Variants in THSD7B observed in about 807,000 individuals in gnomAD.
The protein encoded by THSD7B is thrombospondin type 1 domain containing 7B, also known as thrombospondin type-1 domain-containing protein 7B.
Under a neutral mutation model 213.6 loss-of-function variants are expected in THSD7B, and 138 were observed. That is an observed-to-expected ratio of 0.65 (90% CI 0.56 to 0.74). The LOEUF (loss-of-function observed/expected upper bound fraction) is 0.74, where lower values mean the gene tolerates loss of function less well. Ranked by LOEUF, THSD7B falls within the 30% of genes least tolerant of loss-of-function variation. The probability of loss-of-function intolerance (pLI) is 0.00; values close to 1 mark genes in which losing one functional copy is unlikely to be tolerated. For missense variants in THSD7B, 1,931 were observed against 1,991.5 expected (o/e 0.97, Z 0.58); for synonymous variants, 742 against 687.0 (o/e 1.08, Z -1.25).
At chr2:137,656,003 A>T (rs974367502) in intron 22 of THSD7B, among the ~76,000 whole-genome samples, 4 of 152,208 alleles carry the variant, frequency 2.6e-5, no homozygotes, top group African/African-American at 9.6e-5. Flanking sequence ...AGCACCTAGC[A>T]CATTGGACAG....
chr2:137,598,384 G>A (rs1221380248), intron 17 of THSD7B, among the ~76,000 whole-genome samples: 1 of 152,140 alleles, frequency 6.6e-6, no homozygotes, highest in Non-Finnish European at 1.5e-5. Flanking sequence ...AGGAAAGTAG[G>A]TTCTTTATCA....
At position 137,112,623 on chromosome 2, in the gene THSD7B, A is replaced by C. The variant is rs531099373; in HGVS notation, c.1200-2501A>C. The stretch of plus-strand genomic sequence containing the variant: ...AATGCCCCATTCCTTTCAAACAAGC[A>C]AAAAATAACTATAATCTAAACTTTA... On this transcript the variant is annotated intron_variant, in intron 4 of 27. Transcript: ENST00000409968. Among the ~76,000 whole-genome samples, 4 of 152,350 alleles carry C rather than the reference A, an allele frequency of 2.6e-5. No homozygotes were observed. The South Asian group carries it at 8.3e-4, about 32-fold the overall frequency.
intron 5 of THSD7B, among the ~76,000 whole-genome samples, chr2:137,136,864 C>G (rs1679475027): frequency 6.6e-6 from 1 of 152,032 alleles, no homozygotes; most frequent in African/African-American, 2.4e-5. Context: ...TTTAGCAAAT[C>G]AAAAGATGAA....
At chr2:137,558,875 A>G (rs1261021242) in intron 15 of THSD7B, among the ~76,000 whole-genome samples, 1 of 152,246 alleles carries the variant, frequency 6.6e-6, no homozygotes, top group African/African-American at 2.4e-5. Flanking sequence ...GTCTCAGGAT[A>G]CAAAATCAGT....
At chr2:137,122,174 G>A (rs1688556913) in intron 5 of THSD7B, among the ~76,000 whole-genome samples, 1 of 152,068 alleles carries the variant, frequency 6.6e-6, no homozygotes, top group South Asian at 2.1e-4. Context: ...TCCCTCTGTT[G>A]TTTTAAAGAG....
chr2:137,304,716 C>T (rs1683703554), intron 12 of THSD7B, among the ~76,000 whole-genome samples: 1 of 152,036 alleles, frequency 6.6e-6, no homozygotes, highest in Non-Finnish European at 1.5e-5. Flanking sequence ...TAGCTTGTTT[C>T]ATCTAGGAGC....
chr2:137,507,669 A>G (rs2105146585), intron 15 of THSD7B, among the ~76,000 whole-genome samples: 1 of 151,970 alleles, frequency 6.6e-6, no homozygotes. Context: ...GTTTAAATCC[A>G]TTTTTTTCTG....
chr2:137,573,288 G>T (rs1266474340), intron 17 of THSD7B, among the ~76,000 whole-genome samples: 2 of 152,170 alleles, frequency 1.3e-5, no homozygotes, highest in Non-Finnish European at 2.9e-5. Context: ...TCAAACATTA[G>T]AAAGGAAAAT....
chr2:137,058,550 G>GT (rs909053797), intron 3 of THSD7B, among the ~76,000 whole-genome samples: 17 of 152,022 alleles, frequency 1.1e-4, no homozygotes, highest in Admixed American at 9.2e-4. Context: ...CCAACATATA[G>GT]TTTTTTCCTA....
chr2:137,294,832 C>G (rs546076083), intron 12 of THSD7B, among the ~76,000 whole-genome samples: 2 of 152,094 alleles, frequency 1.3e-5, no homozygotes, highest in East Asian at 3.9e-4. Context: ...TAAGAGGAGA[C>G]TGGTATGCAT....
At position 137,563,247 on chromosome 2, in the gene THSD7B, T is replaced by C. The variant is rs754390151; in HGVS notation, c.3165T>C (p.Ser1055=). Residue 1055 remains serine, a synonymous_variant, in exon 16 of 28, where the codon AGT becomes AGC. Transcript: ENST00000409968. ...NQVHEAVPCY[S]ECNQYSWVVE... is the part of the protein sequence containing the mutation. Reference sequence around the variant, plus strand: ...TACATGAGGCAGTCCCATGTTACAGTGAGTGCAATCAGTATTCCTGGGTTG... The same window carrying C: ...TACATGAGGCAGTCCCATGTTACAGCGAGTGCAATCAGTATTCCTGGGTTG... 60 of 1,613,248 alleles carry C rather than the reference T, an allele frequency of 3.7e-5. 1 individual carries two copies. In the South Asian group the frequency reaches 6.4e-4, roughly 17 times the overall value.
chr2:137,397,232 G>A (rs963781998), intron 12 of THSD7B, among the ~76,000 whole-genome samples: 13 of 151,998 alleles, frequency 8.6e-5, no homozygotes, highest in South Asian at 4.2e-4. Context: ...GATTTTGCTT[G>A]TTAGTTGATG....
intron 13 of THSD7B, among the ~76,000 whole-genome samples, chr2:137,407,485 GA>G (rs1481278606): frequency 6.6e-6 from 1 of 151,684 alleles, no homozygotes; most frequent in East Asian, 1.9e-4. Flanking sequence ...ATCACTGTTG[GA>G]AAAAAATCCC....
chr2:136,874,910 G>A (rs1320699122), intron 1 of THSD7B, among the ~76,000 whole-genome samples: 3 of 152,072 alleles, frequency 2.0e-5, no homozygotes, highest in Admixed American at 1.3e-4. Flanking sequence ...CATAGTCATA[G>A]CATTTTTTTT....
chr2:137,137,179 A>C (rs748884361), intron 5 of THSD7B, among the ~76,000 whole-genome samples: 14 of 152,114 alleles, frequency 9.2e-5, no homozygotes, highest in Non-Finnish European at 1.2e-4. Context: ...CAAACAGCAA[A>C]ATGTTCAAAT....
In THSD7B at chr2:137,356,967, GACACACAC is replaced by G. The variant is rs3048465; in HGVS notation, c.2501-48615_2501-48608del. 4.4e-3 allele frequency among the ~76,000 whole-genome samples: 624 copies of G among 140,974 alleles called. 8 individuals carry two copies. Among genetic ancestry groups the G allele is most frequent in the Middle Eastern group, 0.043 (12 of 282 alleles). 92.5% of individuals were successfully genotyped at this position (140,974 alleles called of 152,430 possible). ...ACACATACACACACACACACACACAGACACACACACACACACACACACACACACACACA... is the reference window on the plus strand; with the variant it reads ...ACACATACACACACACACACACACAGACACACACACACACACACACACACA... On this transcript the variant is annotated intron_variant, in intron 12 of 27. Transcript: ENST00000409968.
chr2:137,014,437 G>A (rs1347033), intron 2 of THSD7B, among the ~76,000 whole-genome samples: 76,620 of 152,084 alleles, frequency 0.5, 23,470 homozygotes, highest in Non-Finnish European at 0.66. Flanking sequence ...GAGGCTCATC[G>A]CTTAAGACAC....
chr2:136,985,628 ACTT>A (rs1456145956), intron 2 of THSD7B, among the ~76,000 whole-genome samples: 1 of 152,194 alleles, frequency 6.6e-6, no homozygotes, highest in Non-Finnish European at 1.5e-5. Flanking sequence ...CTCATAGAGA[ACTT>A]CTACTACTAG....
At chr2:137,000,229 A>AT (rs1685975993) in intron 2 of THSD7B, among the ~76,000 whole-genome samples, 1 of 152,060 alleles carries the variant, frequency 6.6e-6, no homozygotes, top group Admixed American at 6.6e-5. Flanking sequence ...CTCCTTCACC[A>AT]TTTTTCCCCT....
Sources: gnomAD v4.1 joint callset for allele counts (sites outside exome capture counted in the v4.1 genomes callset) on GRCh38, gnomAD v4.1.1 for gene constraint, MANE v1.5 for transcripts, NCBI Gene and HGNC (gene_info 2026-07-23, HGNC 2026-07-21) for gene names.